MOXD1: variants seen among roughly 807,000 people sequenced by gnomAD.
MOXD1 encodes the protein monooxygenase DBH like 1, also known as DBH-like monooxygenase protein 1.
Under a neutral mutation model 66.6 loss-of-function variants are expected in MOXD1, and 62 were observed. The ratio of observed to expected loss-of-function variants is 0.93; its 90% CI spans 0.76 to 1.15. The LOEUF is 1.15. Ranked by LOEUF, MOXD1 falls within the 50% of genes most tolerant of loss-of-function variation. The pLI, the probability that MOXD1 is intolerant of heterozygous loss-of-function variation, is 0.00. For synonymous variants in MOXD1, 303 were observed against 281.9 expected (o/e 1.07, Z -0.75); for missense variants, 847 against 754.6 (o/e 1.12, Z -1.44).
At chr6:132,397,840 T>C (rs1452060209) in intron 1 of MOXD1, among the ~76,000 whole-genome samples, 2 of 152,172 alleles carry the variant, frequency 1.3e-5, no homozygotes, top group Non-Finnish European at 2.9e-5. Context: ...TGCCATCTCC[T>C]CTCTGTTGCA....
At chr6:132,342,036 T>C (rs951974360) in intron 4 of MOXD1, among the ~76,000 whole-genome samples, 1 of 152,154 alleles carries the variant, frequency 6.6e-6, no homozygotes, top group Non-Finnish European at 1.5e-5. Flanking sequence ...GGAGTCTCGC[T>C]CTGTTGCCCA....
intron 1 of MOXD1, among the ~76,000 whole-genome samples, chr6:132,395,519 C>G (rs1776851735): frequency 6.6e-6 from 1 of 152,028 alleles, no homozygotes; most frequent in South Asian, 2.1e-4. Context: ...GAAGAATAAG[C>G]TCTCACATAT....
chr6:132,397,348 A>G (rs985880613), intron 1 of MOXD1, among the ~76,000 whole-genome samples: 8 of 152,246 alleles, frequency 5.3e-5, no homozygotes, highest in African/African-American at 7.2e-5. Flanking sequence ...AAAGCCCCCA[A>G]TACTGGACCC....
At chr6:132,311,099 TTCGTC>T (rs1774820426) in intron 10 of MOXD1, among the ~76,000 whole-genome samples, 3 of 152,284 alleles carry the variant, frequency 2.0e-5, no homozygotes, top group South Asian at 4.1e-4. Context: ...AATTCCTCCA[TTCGTC>T]CAGAGAGATC....
chr6:132,364,454 A>C (rs2114646975), intron 4 of MOXD1, among the ~76,000 whole-genome samples: 2 of 152,272 alleles, frequency 1.3e-5, no homozygotes, highest in East Asian at 3.9e-4. Flanking sequence ...TTTTCATTTC[A>C]TCTTTGCTGA....
chr6:132,337,721 C>T (rs910538515), intron 4 of MOXD1, among the ~76,000 whole-genome samples: 5 of 152,070 alleles, frequency 3.3e-5, no homozygotes, highest in African/African-American at 9.7e-5. Flanking sequence ...ACACAGCATG[C>T]TTAGTGTATA....
At chr6:132,308,218 A>T (rs1774741782) in intron 10 of MOXD1, among the ~76,000 whole-genome samples, 2 of 152,196 alleles carry the variant, frequency 1.3e-5, no homozygotes, top group South Asian at 4.1e-4. Flanking sequence ...AGAAATACAA[A>T]CTACCATCAG....
At chr6:132,399,386 A>C (rs1206978433) in intron 1 of MOXD1, among the ~76,000 whole-genome samples, 2 of 152,218 alleles carry the variant, frequency 1.3e-5, no homozygotes, top group Non-Finnish European at 2.9e-5. Context: ...GCCAGTCATA[A>C]TTTATCTCAT....
intron 4 of MOXD1, among the ~76,000 whole-genome samples, chr6:132,342,814 G>A (rs1775591814): frequency 1.3e-5 from 2 of 152,108 alleles, no homozygotes; most frequent in Non-Finnish European, 2.9e-5. Flanking sequence ...GTTTTTTGGT[G>A]GTTTCGTTTG....
intron 1 of MOXD1, among the ~76,000 whole-genome samples, chr6:132,376,138 T>C (rs1776373658): frequency 6.6e-6 from 1 of 152,230 alleles, no homozygotes; most frequent in South Asian, 2.1e-4. Context: ...TTCTGGTTTT[T>C]CAGTACCTGA....
At chr6:132,383,466 AT>A (rs1776551150) in intron 1 of MOXD1, among the ~76,000 whole-genome samples, 1 of 152,216 alleles carries the variant, frequency 6.6e-6, no homozygotes, top group Non-Finnish European at 1.5e-5. Flanking sequence ...ATGCCAAAAT[AT>A]GAACCCTGTA....
intron 2 of MOXD1, 69 bp downstream of exon 2, chr6:132,374,562 T>A: frequency 7.4e-7 from 1 of 1,355,982 alleles, no homozygotes; most frequent in Non-Finnish European, 1.0e-6. Flanking sequence ...TTTCTCTTAT[T>A]CTTTAAAGTG....
At chr6:132,341,123 T>C (rs572347074) in intron 4 of MOXD1, among the ~76,000 whole-genome samples, 5 of 152,212 alleles carry the variant, frequency 3.3e-5, no homozygotes, top group Non-Finnish European at 7.3e-5. Flanking sequence ...AATTCTCATG[T>C]TGAAATTTAA....
At position 132,349,406 on chromosome 6, in the gene MOXD1, CATAT is replaced by C. The variant is rs539329852; in HGVS notation, c.664-20816_664-20813del. 3.7e-3 allele frequency among the ~76,000 whole-genome samples: 263 copies of C among 72,008 alleles called. 33 individuals carry two copies. In the Middle Eastern group the frequency reaches 0.045, roughly 12 times the overall value. 47.2% of individuals were successfully genotyped at this position (72,008 alleles called of 152,430 possible). On this transcript the variant is annotated intron_variant, in intron 4 of 11. Coordinates refer to ENST00000367963, the MANE Select transcript of MOXD1 (RefSeq NM_015529.4). ...GTATATATATATACACATATATATACATATATATATATATACATATATATATATA... is the reference window on the plus strand; with the variant it reads ...GTATATATATATACACATATATATACATATATATATACATATATATATATA...
chr6:132,390,915 T>A (rs533387698), intron 1 of MOXD1: 1 of 151,712 alleles, frequency 6.6e-6, no homozygotes, highest in East Asian at 1.9e-4. Context: ...TTTCATTTTA[T>A]CAATTTGTTT....
intron 6 of MOXD1, among the ~76,000 whole-genome samples, chr6:132,326,977 T>C (rs1211245734): frequency 2.6e-5 from 4 of 152,194 alleles, no homozygotes; most frequent in African/African-American, 9.7e-5. Context: ...TATCAAACTC[T>C]TCAATTGCTT....
chr6:132,311,793 C>A (rs1261825699), intron 10 of MOXD1, among the ~76,000 whole-genome samples: 1 of 152,050 alleles, frequency 6.6e-6, no homozygotes, highest in Admixed American at 6.6e-5. Flanking sequence ...TAATAACATT[C>A]ATTCAACATG....
At position 132,384,274 on chromosome 6, in the gene MOXD1, CT is replaced by C. The variant is rs1479661184; in HGVS notation, c.265-9498del. On this transcript the variant is annotated intron_variant, in intron 1 of 11. Coordinates refer to ENST00000367963, the MANE Select transcript of MOXD1 (RefSeq NM_015529.4). ...CCTTCCTTCCTTCCTTCCTTCCTTCCTTCCTTCCTTCCTTCCTCCTTCCTTC... is the reference window on the plus strand; with the variant it reads ...CCTTCCTTCCTTCCTTCCTTCCTTCCTCCTTCCTTCCTTCCTCCTTCCTTC... Among the ~76,000 whole-genome samples, 119 of 96,740 alleles carry C rather than the reference CT, an allele frequency of 1.2e-3. 1 individual carries two copies. The highest frequency in any genetic ancestry group is 5.9e-3 in the South Asian group (13 of 2,186). The allele number at this position is 96,740 out of a possible 152,430, so 63.5% of individuals were successfully genotyped here. A position where few individuals can be genotyped will look rare whatever the true frequency, so the allele number is the denominator to read the frequency against.
At chr6:132,373,018 T>C in intron 2 of MOXD1, 21 bp from the exon 3 acceptor site, 1 of 1,595,292 alleles carries the variant, frequency 6.3e-7, no homozygotes, top group Non-Finnish European at 8.6e-7. Context: ...GACATGGGCA[T>C]GATTAGGTCT....
Sources: allele counts gnomAD v4.1 joint callset (sites outside exome capture counted in the v4.1 genomes callset), GRCh38; gene constraint gnomAD v4.1.1; transcripts MANE v1.5; gene names NCBI Gene and HGNC (gene_info 2026-07-23, HGNC 2026-07-21).